The following ANO5 variants were observed in gnomAD, a reference collection of about 807,000 sequenced individuals.
ANO5 encodes the protein anoctamin-5.
Under a neutral mutation model 121.0 loss-of-function variants are expected in ANO5, and 109 were observed. That is an observed-to-expected ratio of 0.90 (90% CI 0.77 to 1.06). The LOEUF is 1.06. Ranked by LOEUF, ANO5 falls within the 50% of genes least tolerant of loss-of-function variation. ANO5 has a pLI of 0.00. For missense variants in ANO5, 1,064 were observed against 1,078.5 expected (o/e 0.99, Z 0.19); for synonymous variants, 406 against 359.9 (o/e 1.13, Z -1.45).
intron 12 of ANO5, among the ~76,000 whole-genome samples, chr11:22,253,544 C>G (rs757729840): frequency 3.9e-5 from 6 of 152,024 alleles, no homozygotes; most frequent in African/African-American, 1.2e-4. Context: ...AACAAACAAG[C>G]AAATATTAAA....
chr11:22,204,467 A>G (rs1852052329), intron 2 of ANO5, among the ~76,000 whole-genome samples: 2 of 152,276 alleles, frequency 1.3e-5, no homozygotes, highest in South Asian at 4.1e-4. Flanking sequence ...TCACAGAGGT[A>G]GACGTCCTTG....
chr11:22,272,504 G>T (rs773061268), intron 18 of ANO5, among the ~76,000 whole-genome samples: 1 of 152,090 alleles, frequency 6.6e-6, no homozygotes, highest in Non-Finnish European at 1.5e-5. Flanking sequence ...ATAATAAAAG[G>T]CAAAGAGGAA....
At chr11:22,203,936 C>G in intron 2 of ANO5, 86 bp downstream of exon 2, 1 of 873,470 alleles carries the variant, frequency 1.1e-6, no homozygotes. Context: ...TACTTATTTA[C>G]TTATAATACA....
At chr11:22,205,563 A>C in intron 2 of ANO5, among the ~76,000 whole-genome samples, 1 of 140,806 alleles carries the variant, frequency 7.1e-6, no homozygotes, top group South Asian at 2.3e-4. Context: ...AAAATAAAAT[A>C]AAATAAAATA....
chr11:22,196,187 A>AGG (rs1016949807), intron 1 of ANO5, among the ~76,000 whole-genome samples: 1 of 152,204 alleles, frequency 6.6e-6, no homozygotes, highest in Non-Finnish European at 1.5e-5. Flanking sequence ...AAAGTCCAAG[A>AGG]GCATGGTATT....
At chr11:22,274,005 T>A (rs752984166) in intron 19 of ANO5, among the ~76,000 whole-genome samples, 3 of 152,054 alleles carry the variant, frequency 2.0e-5, no homozygotes, top group Non-Finnish European at 4.4e-5. Context: ...ACTTATCTAA[T>A]CTAAAAGAAA....
chr11:22,227,680 C>T, intron 7 of ANO5, 94 bp downstream of exon 7: 1 of 1,481,938 alleles, frequency 6.7e-7, no homozygotes, highest in South Asian at 1.2e-5. Flanking sequence ...ACCATTTCTG[C>T]AAGGTGCTTC....
At chr11:22,197,821 C>G (rs1222824257) in intron 1 of ANO5, among the ~76,000 whole-genome samples, 1 of 152,068 alleles carries the variant, frequency 6.6e-6, no homozygotes, top group South Asian at 2.1e-4. Flanking sequence ...CTTTCATATC[C>G]CTGGAATCTA....
rs201084032 is a variant in ANO5 at position 22,212,839 on chromosome 11, A to AT, written c.138+1532dup. Among the ~76,000 whole-genome samples, 951 of 145,744 alleles carry AT rather than the reference A, an allele frequency of 6.5e-3. 8 individuals are homozygous for AT. The highest frequency in any genetic ancestry group is 0.022 in the African/African-American group (886 of 39,600). On this transcript the variant is annotated intron_variant, in intron 3 of 21. Transcript: ENST00000324559. ...GGTTTTGTTTTTTTTTTTACTCTTG[A>AT]TTTTTTTGGAGCTCTTTATATATAT...
chr11:22,279,449 C>A (rs978864920), intron 21 of ANO5, 95 bp from the exon 22 acceptor site: 2 of 1,029,572 alleles, frequency 1.9e-6, no homozygotes, highest in South Asian at 1.3e-5. Flanking sequence ...ATATGTTGAG[C>A]AGTTTCTTAA....
intron 1 of ANO5, among the ~76,000 whole-genome samples, chr11:22,198,758 TA>T (rs919034020): frequency 2.6e-5 from 4 of 151,714 alleles, no homozygotes; most frequent in African/African-American, 7.3e-5. Context: ...TTTTTGTCCT[TA>T]AAAAAAAGCC....
chr11:22,258,872 G>A (rs1255215886), intron 14 of ANO5, among the ~76,000 whole-genome samples: 1 of 152,090 alleles, frequency 6.6e-6, no homozygotes, highest in East Asian at 1.9e-4. Flanking sequence ...AGTGGCTCAC[G>A]CCTGTAATCC....
rs1002420756 is a variant in ANO5, at chr11:22,269,443, G to A, written c.1899-869G>A. Among the ~76,000 whole-genome samples, 13 of 135,058 alleles carry A rather than the reference G, an allele frequency of 9.6e-5. No individual in the cohort carries two copies. In the South Asian group the frequency reaches 2.6e-3, roughly 27 times the overall value. 88.6% of individuals were successfully genotyped at this position (135,058 alleles called of 152,430 possible). A position where few individuals can be genotyped will look rare whatever the true frequency, so the allele number is the denominator to read the frequency against. Reference sequence around the variant, plus strand: ...GAAAAGAGAAGGGAAGGGAAGAGAAGGGAAAGGAAGAAGGAAGGAAGGAGA... The same window carrying A: ...GAAAAGAGAAGGGAAGGGAAGAGAAAGGAAAGGAAGAAGGAAGGAAGGAGA... On this transcript the variant is annotated intron_variant, in intron 17 of 21. Coordinates refer to ENST00000324559, the MANE Select transcript of ANO5 (RefSeq NM_213599.3).
intron 6 of ANO5, among the ~76,000 whole-genome samples, chr11:22,226,693 G>A (rs1387778592): frequency 1.3e-5 from 2 of 152,128 alleles, no homozygotes; most frequent in African/African-American, 4.8e-5. Flanking sequence ...CTTGCCAACA[G>A]AGTGACGCTC....
intron 17 of ANO5, among the ~76,000 whole-genome samples, chr11:22,264,418 T>C (rs11026480): frequency 0.13 from 19,492 of 150,052 alleles, 3,630 homozygotes; most frequent in African/African-American, 0.41. Flanking sequence ...GGGGGATACA[T>C]ATACACAGAG....
At position 22,274,721 on chromosome 11, in the gene ANO5, G is replaced by A. The variant is rs375857192; in HGVS notation, c.2388G>A (p.Ser796=). 7.3e-5 allele frequency: 118 copies of A among 1,613,222 alleles called. No individual in the cohort carries two copies. Among genetic ancestry groups the A allele is most frequent in the Non-Finnish European group, 9.5e-5 (112 of 1,179,496 alleles). ...ATTTTCCAAACCACACTGCACCTTCGGAAAAACGAGACTTCATCACTTGCA... is the reference window on the plus strand; with the variant it reads ...ATTTTCCAAACCACACTGCACCTTCAGAAAAACGAGACTTCATCACTTGCA... ...IADFPNHTAP[S]EKRDFITCRY... is the part of the protein sequence containing the mutation. Residue 796 remains serine (S), a synonymous_variant, in exon 20 of 22, where the codon TCG becomes TCA. Transcript: ENST00000324559.
intron 19 of ANO5, among the ~76,000 whole-genome samples, 183 bp from the exon 20 acceptor site, chr11:22,274,386 T>C (rs925319478): frequency 6.6e-6 from 1 of 152,086 alleles, no homozygotes; most frequent in African/African-American, 2.4e-5. Flanking sequence ...GGAATACTGA[T>C]CACACACTGT....
intron 9 of ANO5, among the ~76,000 whole-genome samples, chr11:22,245,650 GT>G (rs1564933380): frequency 1.3e-5 from 2 of 152,010 alleles, no homozygotes; most frequent in South Asian, 2.1e-4. Context: ...TGTTTTGCAT[GT>G]TTTTTTATGG....
intron 5 of ANO5, among the ~76,000 whole-genome samples, chr11:22,223,806 A>G (rs1227790477): frequency 6.6e-6 from 1 of 151,964 alleles, no homozygotes; most frequent in African/African-American, 2.4e-5. Flanking sequence ...CTAGGCTGTT[A>G]ATTTTTCTAT....
Sources: gnomAD v4.1 joint callset for allele counts (sites outside exome capture counted in the v4.1 genomes callset) on GRCh38, gnomAD v4.1.1 for gene constraint, MANE v1.5 for transcripts, NCBI Gene and HGNC (gene_info 2026-07-23, HGNC 2026-07-21) for gene names.